Variants in KCNH2 observed in about 807,000 individuals in gnomAD.
KCNH2 encodes the protein potassium voltage-gated channel subfamily H member 2, also known as voltage-gated inwardly rectifying potassium channel KCNH2.
KCNH2 carries 35 observed loss-of-function variants against 95.9 expected under a neutral mutation model. The observed-to-expected ratio is 0.37, with a 90% CI of 0.28 to 0.48. The LOEUF (loss-of-function observed/expected upper bound fraction) is 0.48, where lower values mean the gene tolerates loss of function less well. Ranked by LOEUF, KCNH2 falls within the 20% of genes least tolerant of loss-of-function variation. KCNH2 has a pLI of 0.99. For synonymous variants in KCNH2, 786 were observed against 754.7 expected, an observed-to-expected ratio of 1.04 and a Z score of -0.68; for missense variants, 1,274 against 1,702.9, an observed-to-expected ratio of 0.75 and a Z score of 4.43.
chr7:150,959,458 C>A, intron 3 of KCNH2, 114 bp downstream of exon 3: 3 of 1,322,524 alleles, frequency 2.3e-6, no homozygotes, highest in Non-Finnish European at 3.2e-6. Flanking sequence ...GGGGGGACCC[C>A]CCACCCAACC....
rs1444816332 is a variant in KCNH2, at chr7:150,950,809, C to G, written c.2145+112G>C. The G allele has an allele frequency of 5.3e-6, 6 of 1,137,866 alleles. No individual in the cohort carries two copies. In the Admixed American group the frequency reaches 7.6e-5, roughly 14 times the overall value. 70.5% of individuals were successfully genotyped at this position (1,137,866 alleles called of 1,614,324 possible). A position where few individuals can be genotyped will look rare whatever the true frequency, so the allele number is the denominator to read the frequency against. ...AAAAGGGGCAACGTGCCTCCAGGGTCCTTACTACTGACTGTGACCGCCTGA... is the reference window on the plus strand; with the variant it reads ...AAAAGGGGCAACGTGCCTCCAGGGTGCTTACTACTGACTGTGACCGCCTGA... On this transcript the variant is annotated intron_variant, in intron 8 of 14. Transcript: ENST00000262186.
intron 2 of KCNH2, among the ~76,000 whole-genome samples, chr7:150,965,053 AGT>A (rs1015882742): frequency 4.6e-5 from 7 of 151,520 alleles, no homozygotes; most frequent in East Asian, 3.9e-4. Context: ...ACAGGGAGAG[AGT>A]GTGTGTGTGC....
In KCNH2 at chr7:150,958,093, C is replaced by T. The variant is rs1336015908; in HGVS notation, c.882G>A (p.Gly294=). 1 of 1,287,158 alleles carries T rather than the reference C, an allele frequency of 7.8e-7. No homozygotes were observed. The highest frequency in any genetic ancestry group is 9.8e-7 in the Non-Finnish European group (1 of 1,021,568). 79.7% of individuals were successfully genotyped at this position (1,287,158 alleles called of 1,614,324 possible). A position where few individuals can be genotyped will look rare whatever the true frequency, so the allele number is the denominator to read the frequency against. The change falls in exon 4 of 15, where the codon GGG becomes GGA. Residue 294 remains glycine, a synonymous_variant. Coordinates refer to ENST00000262186, the MANE Select transcript of KCNH2 (RefSeq NM_000238.4). The part of the protein sequence containing the change: ...SADDIEAMRA[G]VLPPPPRHAS... ...CGTGGCGCGGTGGCGGGGGCAGCAC[C>T]CCGGCGCGCATGGCCTCGATGTCGT...
intron 2 of KCNH2, among the ~76,000 whole-genome samples, chr7:150,969,104 C>T (rs1584877465): frequency 2.6e-5 from 4 of 152,162 alleles, no homozygotes; most frequent in African/African-American, 9.7e-5. Context: ...CAGAAGGGCT[C>T]TCTGGGGGCA....
At chr7:150,960,847 G>A (rs1275396029) in intron 2 of KCNH2, among the ~76,000 whole-genome samples, 5 of 151,762 alleles carry the variant, frequency 3.3e-5, no homozygotes, top group African/African-American at 1.2e-4. Context: ...GAGCACATGG[G>A]CCCCCTGCTG....
chr7:150,951,632 G>A lies in KCNH2; in HGVS notation c.1761C>T (p.His587=). 2 of 1,614,246 alleles carry A rather than the reference G, an allele frequency of 1.2e-6. No homozygotes were observed. The highest frequency in any genetic ancestry group is 1.7e-6 in the Non-Finnish European group (2 of 1,180,042). The change falls in exon 7 of 15, where the codon CAC becomes CAT. Residue 587 remains histidine (H), a synonymous_variant. Transcript: ENST00000262186. ...PHMDSRIGWL[H]NLGDQIGKPY... Reference sequence around the variant, plus strand: ...GTTTGCCTATCTGGTCGCCCAGGTTGTGCAGCCAGCCGATGCGTGAGTCCA... The same window carrying A: ...GTTTGCCTATCTGGTCGCCCAGGTTATGCAGCCAGCCGATGCGTGAGTCCA...
At position 150,950,315 on chromosome 7, in the gene KCNH2, G is replaced by C. The variant is rs1339487650; in HGVS notation, c.2251C>G (p.Leu751Val). Residue 751 changes from leucine to valine, a missense_variant, in exon 9 of 15, where the codon CTT becomes GTT. Transcript: ENST00000262186. ...TTGAACTTCATGGCCAGGGCCCGAA[G>C]GCAGCCCTTGGTGGCCCCTCGGAAG... ...KPFRGATKGC[L>V]RALAMKFKTT... 1 of 1,613,792 alleles carries C rather than the reference G, an allele frequency of 6.2e-7. No homozygotes were observed. The highest frequency in any genetic ancestry group is 1.3e-5 in the African/African-American group (1 of 75,058).
In KCNH2 at chr7:150,945,347, C is replaced by T; in HGVS notation, c.*18G>A. 1.3e-6 allele frequency: 2 copies of T among 1,580,874 alleles called. No homozygotes were observed. The highest frequency in any genetic ancestry group is 8.6e-7 in the Non-Finnish European group (1 of 1,164,370). ...CTTGATCCCTGGGTGAGCCACGTGT[C>T]CACACTGGGCAGCCCCACTAACTGC... is the stretch of plus-strand genomic sequence containing the variant. On this transcript the variant is annotated 3_prime_UTR_variant, in exon 15 of 15. Coordinates refer to ENST00000262186, the MANE Select transcript of KCNH2 (RefSeq NM_000238.4). This position sits in a 1 kb window ranked among gnomAD's most constrained non-coding sequence, Gnocchi z 5.6.
chr7:150,963,939 C>T (rs967475635), intron 2 of KCNH2, among the ~76,000 whole-genome samples: 2 of 152,222 alleles, frequency 1.3e-5, no homozygotes, highest in East Asian at 3.9e-4. Context: ...CAGAACACAA[C>T]GCCGGCTTGC....
chr7:150,951,040 G>A lies in KCNH2; in HGVS notation c.2026C>T (p.Gln676Ter), dbSNP rs794728381. The change falls in exon 8 of 15, where the codon CAG becomes TAG. Residue 676 changes from glutamine to a stop codon, truncating the protein, a stop_gained. Coordinates refer to ENST00000262186, the MANE Select transcript of KCNH2 (RefSeq NM_000238.4). LOFTEE classifies it high-confidence loss of function. ...LYSGTARYHTQMLRVREFIRF... is the reference protein window; with the variant it reads ...LYSGTARYHT ...ATGAACTCCCGCACCCGCAGCATCT[G>A]TGTGTGGTAGCGGGCTGTGCCCGAG... is the stretch of plus-strand genomic sequence containing the variant. The A allele has an allele frequency of 6.2e-7, 1 of 1,614,194 alleles. No homozygotes were observed. The highest frequency in any genetic ancestry group is 8.5e-7 in the Non-Finnish European group (1 of 1,180,026).
At position 150,953,061 on chromosome 7, in the gene KCNH2, G is replaced by A. The variant is rs541313580; in HGVS notation, c.1129-208C>T. ...GTTCCCAAAATGCCACACAGCACAGGACTGGCTCCAAACAGTTCCAACATT... is the reference window on the plus strand; with the variant it reads ...GTTCCCAAAATGCCACACAGCACAGAACTGGCTCCAAACAGTTCCAACATT... On this transcript the variant is annotated intron_variant, in intron 5 of 14. Transcript: ENST00000262186. Among the ~76,000 whole-genome samples, 43 of 152,236 alleles carry A rather than the reference G, an allele frequency of 2.8e-4. 1 individual carries two copies. In the South Asian group the frequency reaches 5.4e-3, roughly 19 times the overall value.
Position 150,947,323 on chromosome 7 carries a change from C to G in KCNH2, c.3152+5G>C. On this transcript the variant is annotated splice_donor_5th_base_variant and intron_variant, in intron 13 of 14. Coordinates refer to ENST00000262186, the MANE Select transcript of KCNH2 (RefSeq NM_000238.4). ...TGCCCCCCCACCCCACCTGCACTCCCTCACCTGTTGAGCTGGCGCTGGAGG... is the reference window on the plus strand; with the variant it reads ...TGCCCCCCCACCCCACCTGCACTCCGTCACCTGTTGAGCTGGCGCTGGAGG... The G allele has an allele frequency of 6.5e-7, 1 of 1,540,104 alleles. No individual in the cohort carries two copies. Among genetic ancestry groups the G allele is most frequent in the South Asian group, 1.2e-5 (1 of 83,870 alleles).
chr7:150,974,690 C>A, intron 2 of KCNH2, 21 bp downstream of exon 2: 1 of 1,560,772 alleles, frequency 6.4e-7, no homozygotes, highest in South Asian at 1.2e-5. Flanking sequence ...TGGTCGTGGC[C>A]CCGCCCCGGC....
rs976679387 is a variant in KCNH2 at position 150,945,184 on chromosome 7, C to T, written c.*181G>A. ...ACCTACTGCCGGCCCTGCCCCTGCCCCTCTCACTGGGGCCCAGGGGACTGC... is the reference window on the plus strand; with the variant it reads ...ACCTACTGCCGGCCCTGCCCCTGCCTCTCTCACTGGGGCCCAGGGGACTGC... On this transcript the variant is annotated 3_prime_UTR_variant, in exon 15 of 15. Transcript: ENST00000262186. The surrounding 1 kb of genome is among the most constrained non-coding windows in gnomAD (Gnocchi z 5.6). 7.3e-6 allele frequency: 5 copies of T among 687,738 alleles called. No individual in the cohort carries two copies. The highest frequency in any genetic ancestry group is 5.9e-5 in the Admixed American group (2 of 33,922). The allele number at this position is 687,738 out of a possible 1,614,324, so 42.6% of individuals were successfully genotyped here.
Position 150,974,746 on chromosome 7 carries a change from T to C in KCNH2, c.272A>G (p.Glu91Gly), listed in dbSNP as rs1299190345. 6.2e-7 allele frequency: 1 copy of C among 1,605,158 alleles called. No homozygotes were observed. The highest frequency in any genetic ancestry group is 1.7e-5 in the Admixed American group (1 of 59,476). ...QIAQALLGAEERKVEIAFYRK... is the reference protein window; with the variant it reads ...QIAQALLGAEGRKVEIAFYRK... ...GTAGAAGGCGATTTCCACTTTGCGC[T>C]CCTCGGCGCCCAGCAGTGCCTGCGC... Residue 91 changes from glutamate (E) to glycine (G), a missense_variant, in exon 2 of 15, where the codon GAG becomes GGG. This residue lies in a region of KCNH2 where 85 missense variants were observed against 174.7 expected (regional missense o/e 0.49). Transcript: ENST00000262186.
At position 150,947,791 on chromosome 7, in the gene KCNH2, C is replaced by G. The variant is rs794728399; in HGVS notation, c.2780G>C (p.Trp927Ser). The G allele has an allele frequency of 3.9e-6, 6 of 1,534,424 alleles. No homozygotes were observed. Among genetic ancestry groups the G allele is most frequent in the Middle Eastern group, 2.2e-4 (1 of 4,470 alleles). The change falls in exon 12 of 15, where the codon TGG (tryptophan) becomes TCG (serine). Residue 927 changes from tryptophan to serine, a missense_variant. Around this residue, in one of 7 missense-constraint regions of KCNH2, gnomAD observed 457 missense variants for 416.1 expected, o/e 1.10. Coordinates refer to ENST00000262186, the MANE Select transcript of KCNH2 (RefSeq NM_000238.4). Reference sequence around the variant, plus strand: ...GGGGCCACTGGACGGGCTCTCCCCCCACGGCCCCCCCGGCCGGCCCCGGCT... The same window carrying G: ...GGGGCCACTGGACGGGCTCTCCCCCGACGGCCCCCCCGGCCGGCCCCGGCT... ...PSSRGRPGGPWGESPSSGPSS... is the reference protein window; with the variant it reads ...PSSRGRPGGPSGESPSSGPSS...
chr7:150,963,942 C>T (rs1165058169), intron 2 of KCNH2, among the ~76,000 whole-genome samples: 6 of 152,240 alleles, frequency 3.9e-5, no homozygotes, highest in African/African-American at 7.2e-5. Flanking sequence ...AACACAACGC[C>T]GGCTTGCTTT....
intron 13 of KCNH2, 24 bp from the exon 14 acceptor site, chr7:150,947,078 T>A: frequency 7.7e-7 from 1 of 1,301,596 alleles, no homozygotes; most frequent in Non-Finnish European, 1.0e-6. Flanking sequence ...TGGGGGATGC[T>A]CAGAGAAGTG....
At chr7:150,955,798 C>G (rs993581354) in intron 5 of KCNH2, 3 of 1,165,714 alleles carry the variant, frequency 2.6e-6, no homozygotes, top group East Asian at 4.0e-5. Flanking sequence ...CAGCAGCGGC[C>G]GCACTCGGAA....
Sources: gnomAD v4.1 joint callset for allele counts (sites outside exome capture counted in the v4.1 genomes callset) on GRCh38, gnomAD v4.1.1 for gene constraint, gnomAD v4.1.1 regional missense constraint, Gnocchi (gnomAD v3.1) non-coding constraint, MANE v1.5 for transcripts, NCBI Gene and HGNC (gene_info 2026-07-23, HGNC 2026-07-21) for gene names.